The following NKAIN2 variants were observed in gnomAD, a reference collection of about 807,000 sequenced individuals.
The protein encoded by NKAIN2 is sodium/potassium transporting ATPase interacting 2.
A neutral mutation model predicts 32.6 loss-of-function variants in NKAIN2; 14 were observed. The ratio of observed to expected loss-of-function variants is 0.43; its 90% CI spans 0.28 to 0.67. NKAIN2 has a LOEUF of 0.67. Among genes scored for constraint, NKAIN2 ranks in the 30% least tolerant of loss-of-function variants. NKAIN2 has a pLI of 0.17. For missense variants in NKAIN2, 198 were observed against 258.3 expected, an observed-to-expected ratio of 0.77 and a Z score of 1.60; for synonymous variants, 80 against 87.2, an observed-to-expected ratio of 0.92 and a Z score of 0.46.
intron 1 of NKAIN2, among the ~76,000 whole-genome samples, chr6:124,163,626 C>T (rs978566251): frequency 1.3e-5 from 2 of 151,904 alleles, no homozygotes; most frequent in African/African-American, 2.4e-5. Context: ...CTTACTTAAT[C>T]GCATAGAGCT....
chr6:124,222,482 T>G (rs1247361572), intron 1 of NKAIN2, among the ~76,000 whole-genome samples: 1 of 152,064 alleles, frequency 6.6e-6, no homozygotes, highest in Non-Finnish European at 1.5e-5. Context: ...AATAGAGTAG[T>G]CAGGAAATGC....
chr6:124,137,303 G>A (rs963332579), intron 1 of NKAIN2, among the ~76,000 whole-genome samples: 1 of 151,898 alleles, frequency 6.6e-6, no homozygotes, highest in Non-Finnish European at 1.5e-5. Flanking sequence ...ACTTAACCAA[G>A]AAGGTGAAAT....
intron 4 of NKAIN2, among the ~76,000 whole-genome samples, chr6:124,782,379 A>G (rs568651443): frequency 1.3e-5 from 2 of 152,280 alleles, no homozygotes; most frequent in African/African-American, 4.8e-5. Flanking sequence ...GTACCTCTAA[A>G]AAGAAGGAAA....
At chr6:124,097,664 C>A (rs1784702362) in intron 1 of NKAIN2, among the ~76,000 whole-genome samples, 3 of 152,200 alleles carry the variant, frequency 2.0e-5, no homozygotes, top group Middle Eastern at 3.2e-3. Flanking sequence ...ATGAGGTCAG[C>A]AGCCTGGCTA....
intron 1 of NKAIN2, among the ~76,000 whole-genome samples, chr6:124,260,146 A>G (rs1794169231): frequency 6.6e-6 from 1 of 152,198 alleles, no homozygotes; most frequent in Non-Finnish European, 1.5e-5. Flanking sequence ...AGATTCATTT[A>G]GGTCTTCAGC....
At chr6:123,923,790 G>T (rs1258929946) in intron 1 of NKAIN2, among the ~76,000 whole-genome samples, 1 of 118,874 alleles carries the variant, frequency 8.4e-6, no homozygotes, top group Admixed American at 1.0e-4. Flanking sequence ...GGGGACTGTT[G>T]TGGGGTGGGG....
intron 2 of NKAIN2, among the ~76,000 whole-genome samples, chr6:124,343,680 T>C (rs1323298521): frequency 6.7e-6 from 1 of 149,372 alleles, no homozygotes; most frequent in Non-Finnish European, 1.5e-5. Flanking sequence ...ATGGGGTTGT[T>C]TGTTTTTTTC....
intron 3 of NKAIN2, among the ~76,000 whole-genome samples, chr6:124,421,175 G>A (rs975654892): frequency 2.0e-5 from 3 of 151,434 alleles, no homozygotes; most frequent in African/African-American, 7.3e-5. Flanking sequence ...TCTCTAGAAA[G>A]TAGGGTTTTT....
intron 1 of NKAIN2, among the ~76,000 whole-genome samples, chr6:123,956,699 A>T (rs980594963): frequency 4.6e-5 from 7 of 152,180 alleles, no homozygotes; most frequent in Non-Finnish European, 8.8e-5. Flanking sequence ...TCTTCATTCC[A>T]GTTCTGAGTC....
rs190991071 is a variant in NKAIN2, at chr6:124,508,329, A to G, written c.274-149857A>G. Among the ~76,000 whole-genome samples, 189 of 144,246 alleles carry G rather than the reference A, an allele frequency of 1.3e-3. 1 individual carries two copies. Among genetic ancestry groups the G allele is most frequent in the Admixed American group, 2.8e-3 (41 of 14,492 alleles). 94.6% of individuals were successfully genotyped at this position (144,246 alleles called of 152,430 possible). A position where few individuals can be genotyped will look rare whatever the true frequency, so the allele number is the denominator to read the frequency against. ...GTCAGAGAAAATGAAATGAGCTTGT[A>G]TTAGTCTTTTTTTTTTCTTTTCTTT... is the stretch of plus-strand genomic sequence containing the variant. On this transcript the variant is annotated intron_variant, in intron 3 of 6. Coordinates refer to ENST00000368417, the MANE Select transcript of NKAIN2 (RefSeq NM_001040214.3).
chr6:124,289,806 A>G (rs908600085), intron 2 of NKAIN2, among the ~76,000 whole-genome samples: 2 of 152,164 alleles, frequency 1.3e-5, no homozygotes, highest in African/African-American at 4.8e-5. Flanking sequence ...CTAAGAAGTC[A>G]TTAATCTATG....
rs187503177 is a variant in NKAIN2 at position 124,380,451 on chromosome 6, C to T, written c.273+25104C>T. Among the ~76,000 whole-genome samples, 120 of 152,158 alleles carry T rather than the reference C, an allele frequency of 7.9e-4. 1 individual carries two copies. Among genetic ancestry groups the T allele is most frequent in the Non-Finnish European group, 1.5e-3 (103 of 68,022 alleles). ...CTAGCAGACATAATGTGTGTCATTT[C>T]TGGGAAATTGATTTTTAAGAATTGA... On this transcript the variant is annotated intron_variant, in intron 3 of 6. Coordinates refer to ENST00000368417, the MANE Select transcript of NKAIN2 (RefSeq NM_001040214.3).
intron 3 of NKAIN2, among the ~76,000 whole-genome samples, chr6:124,640,441 C>T (rs545705858): frequency 3.3e-5 from 5 of 152,180 alleles, no homozygotes; most frequent in African/African-American, 9.6e-5. Context: ...GAAAACTGAG[C>T]CTCTAGAGTG....
chr6:124,049,977 C>T (rs73561085), intron 1 of NKAIN2, among the ~76,000 whole-genome samples: 14,915 of 151,760 alleles, frequency 0.098, 808 homozygotes, highest in East Asian at 0.24. Flanking sequence ...AAACATATGC[C>T]GAGTTTTCTA....
At chr6:124,061,158 C>A (rs549722579) in intron 1 of NKAIN2, among the ~76,000 whole-genome samples, 1 of 152,182 alleles carries the variant, frequency 6.6e-6, no homozygotes, top group African/African-American at 2.4e-5. Context: ...TCACAAATTG[C>A]AGCATGTTTT....
At chr6:123,849,973 T>TTTTTTTTTTG (rs1775259653) in intron 1 of NKAIN2, among the ~76,000 whole-genome samples, 1 of 145,462 alleles carries the variant, frequency 6.9e-6, no homozygotes, top group African/African-American at 2.6e-5. Flanking sequence ...TTTGTTTGTT[T>TTTTTTTTTTG]TTTTTTTAAC....
chr6:124,286,773 C>T (rs1321572214), intron 2 of NKAIN2, among the ~76,000 whole-genome samples: 1 of 151,790 alleles, frequency 6.6e-6, no homozygotes, highest in Admixed American at 6.6e-5. Flanking sequence ...ACTCCACCTC[C>T]CAGGTTCAAG....
intron 1 of NKAIN2, among the ~76,000 whole-genome samples, chr6:124,116,540 G>A (rs1354329650): frequency 6.6e-6 from 1 of 151,918 alleles, no homozygotes; most frequent in Non-Finnish European, 1.5e-5. Flanking sequence ...TTCTTATGAA[G>A]GATCCTAAAA....
At chr6:124,625,485 T>TATC (rs1338860486) in intron 3 of NKAIN2, among the ~76,000 whole-genome samples, 1 of 152,114 alleles carries the variant, frequency 6.6e-6, no homozygotes, top group Non-Finnish European at 1.5e-5. Flanking sequence ...GTTTCATTTT[T>TATC]ATCTGGGGAA....
Sources: allele counts gnomAD v4.1 joint callset (sites outside exome capture counted in the v4.1 genomes callset), GRCh38; gene constraint gnomAD v4.1.1; transcripts MANE v1.5; gene names NCBI Gene and HGNC (gene_info 2026-07-23, HGNC 2026-07-21).